NXPE2: variants seen among roughly 807,000 people sequenced by gnomAD.
The protein encoded by NXPE2 is neurexophilin and PC-esterase domain family member 2.
In NXPE2, 34 loss-of-function variants were observed where a neutral mutation model predicts 34.4. That is an observed-to-expected ratio of 0.99 (90% CI 0.75 to 1.31). NXPE2 has a LOEUF of 1.31. Ranked by LOEUF, NXPE2 falls within the 40% of genes most tolerant of loss-of-function variation. The pLI, the probability that NXPE2 is intolerant of heterozygous loss-of-function variation, is 0.00. For synonymous variants in NXPE2, 235 were observed against 231.3 expected (o/e 1.02, Z -0.15); for missense variants, 649 against 672.5 (o/e 0.97, Z 0.39).
At chr11:114,607,188 A>G in the NXPE2 span, among the ~76,000 whole-genome samples, 6 of 151,762 alleles carry the variant, frequency 4.0e-5, no homozygotes, top group Non-Finnish European at 5.9e-5. Context: ...ATCGTGGGTG[A>G]CAATTCTTAC....
the NXPE2 span, among the ~76,000 whole-genome samples, chr11:114,714,460 A>G: frequency 1.3e-5 from 2 of 152,248 alleles, no homozygotes; most frequent in Non-Finnish European, 2.9e-5. Context: ...TCTACCTCAA[A>G]GTAGCCTAAG....
At chr11:114,715,760 T>C in the NXPE2 span, among the ~76,000 whole-genome samples, 3 of 152,236 alleles carry the variant, frequency 2.0e-5, no homozygotes, top group Non-Finnish European at 4.4e-5. Flanking sequence ...TTAAATGCTT[T>C]TCTTTGAGAA....
the NXPE2 span, among the ~76,000 whole-genome samples, chr11:114,669,483 C>T: frequency 3.3e-5 from 5 of 152,042 alleles, no homozygotes; most frequent in Admixed American, 6.6e-5. Flanking sequence ...TGCAGAGGTT[C>T]TATTCTACCC....
the NXPE2 span, among the ~76,000 whole-genome samples, chr11:114,739,769 T>A: frequency 3.3e-5 from 5 of 152,128 alleles, no homozygotes; most frequent in African/African-American, 1.2e-4. Context: ...AGGTAACCAC[T>A]CTTCTACTCT....
Position 114,705,777 on chromosome 11 carries a change from C to T in NXPE2, c.929-4C>T. ...TTACTTAATCTGGAAATTTGTATTG[C>T]CAGAGAGCGAGAACATAAAAAAGAA... On this transcript the variant is annotated splice_region_variant and splice_polypyrimidine_tract_variant and intron_variant, in intron 4 of 5. Coordinates refer to ENST00000389586, the MANE Select transcript of NXPE2 (RefSeq NM_182495.6). 1.4e-6 allele frequency: 2 copies of T among 1,416,290 alleles called. No individual in the cohort carries two copies. Among genetic ancestry groups the T allele is most frequent in the Non-Finnish European group, 9.3e-7 (1 of 1,077,430 alleles). 87.7% of individuals were successfully genotyped at this position (1,416,290 alleles called of 1,614,324 possible).
the NXPE2 span, among the ~76,000 whole-genome samples, chr11:114,580,673 A>G: frequency 6.6e-6 from 1 of 152,204 alleles, no homozygotes; most frequent in Non-Finnish European, 1.5e-5. Context: ...TGGAAGCTCA[A>G]TTATCCTATC....
chr11:114,479,289 T>C, the NXPE2 span, among the ~76,000 whole-genome samples: 1 of 152,052 alleles, frequency 6.6e-6, no homozygotes, highest in Admixed American at 6.6e-5. Context: ...TTTGATTCGA[T>C]TGATGGAAGG....
intron 1 of NXPE2, among the ~76,000 whole-genome samples, 198 bp from the exon 2 acceptor site, chr11:114,679,459 A>T (rs1340726991): frequency 1.3e-5 from 2 of 152,038 alleles, no homozygotes; most frequent in Non-Finnish European, 2.9e-5. Context: ...AGAAACCAGG[A>T]GTCCTTCTAG....
the NXPE2 span, among the ~76,000 whole-genome samples, chr11:114,767,712 C>T: frequency 6.6e-6 from 1 of 152,158 alleles, no homozygotes; most frequent in African/African-American, 2.4e-5. Context: ...TTAGCACAGA[C>T]TCCACACAGA....
At chr11:114,653,430 T>C in the NXPE2 span, among the ~76,000 whole-genome samples, 1 of 152,200 alleles carries the variant, frequency 6.6e-6, no homozygotes, top group Non-Finnish European at 1.5e-5. Context: ...TCTACATTTC[T>C]TTCTGCCTCC....
chr11:114,608,861 C>G, the NXPE2 span, among the ~76,000 whole-genome samples: 2 of 151,714 alleles, frequency 1.3e-5, no homozygotes, highest in African/African-American at 4.8e-5. Context: ...TTGTGGGTAA[C>G]CACTCTTACC....
chr11:114,479,782 A>G, the NXPE2 span, among the ~76,000 whole-genome samples: 1 of 152,278 alleles, frequency 6.6e-6, no homozygotes, highest in African/African-American at 2.4e-5. Context: ...TTCATTTTGC[A>G]TAGCTATAAA....
At chr11:114,798,931 G>T in the NXPE2 span, among the ~76,000 whole-genome samples, 3 of 152,124 alleles carry the variant, frequency 2.0e-5, no homozygotes, top group East Asian at 3.9e-4. Flanking sequence ...CGTGAAAGCT[G>T]CCTCACGCGC....
At chr11:114,472,719 G>C in the NXPE2 span, among the ~76,000 whole-genome samples, 24 of 152,300 alleles carry the variant, frequency 1.6e-4, no homozygotes, top group South Asian at 4.1e-4. Context: ...CTAGCTCTCT[G>C]TGGTCTCTTT....
At chr11:114,749,930 T>A in the NXPE2 span, among the ~76,000 whole-genome samples, 1 of 152,140 alleles carries the variant, frequency 6.6e-6, no homozygotes, top group East Asian at 1.9e-4. Context: ...CTGATACCCA[T>A]GCCTGGCCAC....
the NXPE2 span, among the ~76,000 whole-genome samples, chr11:114,649,902 G>C: frequency 6.6e-6 from 1 of 152,146 alleles, no homozygotes; most frequent in East Asian, 1.9e-4. Context: ...AGGGCTGGTT[G>C]GTAAATGCGT....
At chr11:114,708,482 C>T (rs1467082246), downstream of NXPE2, among the ~76,000 whole-genome samples, 2 of 152,008 alleles carry the variant, frequency 1.3e-5, no homozygotes, top group Non-Finnish European at 2.9e-5. Context: ...TACTTCCCCT[C>T]TTAGGACTGT....
At chr11:114,670,467 T>A in the NXPE2 span, among the ~76,000 whole-genome samples, 4 of 151,754 alleles carry the variant, frequency 2.6e-5, no homozygotes, top group Non-Finnish European at 4.4e-5. Context: ...GCCCTTGTGG[T>A]AGGATCCCTT....
chr11:114,707,549 C>T, downstream of NXPE2: 5 of 239,086 alleles, frequency 2.1e-5, no homozygotes, highest in Admixed American at 5.2e-5. Flanking sequence ...TGTGCAGCGC[C>T]ACACCTGGCT....
Sources: allele counts gnomAD v4.1 joint callset (sites outside exome capture counted in the v4.1 genomes callset), GRCh38; gene constraint gnomAD v4.1.1; transcripts MANE v1.5; gene names NCBI Gene and HGNC (gene_info 2026-07-23, HGNC 2026-07-21).